The following CTNNA3 variants were observed in gnomAD, a reference collection of about 807,000 sequenced individuals.
The protein encoded by CTNNA3 is catenin alpha 3.
In CTNNA3, 76 loss-of-function variants were observed where a neutral mutation model predicts 95.7. The ratio of observed to expected loss-of-function variants is 0.79; its 90% CI spans 0.66 to 0.96. The LOEUF (loss-of-function observed/expected upper bound fraction) is 0.96. CTNNA3 is among the 40% of genes least tolerant of loss of function. The probability of loss-of-function intolerance (pLI) is 0.00; values close to 1 mark genes in which losing one functional copy is unlikely to be tolerated. For missense variants in CTNNA3, 1,191 were observed against 1,089.8 expected, an observed-to-expected ratio of 1.09 and a Z score of -1.31; for synonymous variants, 431 against 374.4, an observed-to-expected ratio of 1.15 and a Z score of -1.74.
intron 7 of CTNNA3, among the ~76,000 whole-genome samples, chr10:66,986,063 A>T (rs1426845403): frequency 2.0e-5 from 3 of 152,112 alleles, no homozygotes; most frequent in Admixed American, 6.6e-5. Flanking sequence ...TTGTACTTAC[A>T]ATTTTGATAT....
chr10:67,453,708 G>C (rs1847070909), intron 5 of CTNNA3, among the ~76,000 whole-genome samples: 1 of 152,214 alleles, frequency 6.6e-6, no homozygotes, highest in South Asian at 2.1e-4. Flanking sequence ...GTGCAGATAA[G>C]AGAGGAAGAG....
At chr10:67,602,477 C>T (rs1843115712) in intron 3 of CTNNA3, among the ~76,000 whole-genome samples, 1 of 152,140 alleles carries the variant, frequency 6.6e-6, no homozygotes, top group Non-Finnish European at 1.5e-5. Flanking sequence ...AAATAAATCA[C>T]ACAGTAAAGC....
intron 3 of CTNNA3, among the ~76,000 whole-genome samples, chr10:67,600,451 T>C (rs1211859212): frequency 1.3e-5 from 2 of 152,156 alleles, no homozygotes; most frequent in Non-Finnish European, 2.9e-5. Context: ...TTGTAATACC[T>C]ACAACTAACA....
At chr10:67,322,463 G>C (rs1841363044) in intron 5 of CTNNA3, among the ~76,000 whole-genome samples, 2 of 152,182 alleles carry the variant, frequency 1.3e-5, no homozygotes, top group South Asian at 4.1e-4. Flanking sequence ...ACTTATAAGT[G>C]AGAACATGTG....
At chr10:66,611,336 A>G (rs931811941) in intron 10 of CTNNA3, among the ~76,000 whole-genome samples, 1 of 152,138 alleles carries the variant, frequency 6.6e-6, no homozygotes, top group African/African-American at 2.4e-5. Flanking sequence ...GGATATTCCA[A>G]TTACCCTGAT....
intron 11 of CTNNA3, among the ~76,000 whole-genome samples, chr10:66,495,642 GTGT>G (rs139573189): frequency 0.045 from 6,885 of 151,656 alleles, 466 homozygotes; most frequent in East Asian, 0.32. Context: ...TCATTTTGGG[GTGT>G]TGTTGTTGTT....
intron 9 of CTNNA3, among the ~76,000 whole-genome samples, chr10:66,640,342 C>A (rs1313419851): frequency 1.3e-5 from 2 of 152,164 alleles, no homozygotes; most frequent in East Asian, 3.9e-4. Context: ...AAGGCAATGT[C>A]TCTTCCCAGG....
chr10:66,976,776 A>C (rs1850059738), intron 7 of CTNNA3, among the ~76,000 whole-genome samples: 1 of 152,152 alleles, frequency 6.6e-6, no homozygotes, highest in African/African-American at 2.4e-5. Context: ...TAAGTCTTTA[A>C]ATTTCATGTA....
intron 12 of CTNNA3, among the ~76,000 whole-genome samples, chr10:66,352,012 G>A (rs1440586843): frequency 6.6e-6 from 1 of 152,016 alleles, no homozygotes; most frequent in East Asian, 1.9e-4. Context: ...TAAGAGTCAT[G>A]AAGTAAGTAC....
chr10:66,059,902 C>G (rs2133566633), intron 15 of CTNNA3, among the ~76,000 whole-genome samples: 1 of 152,110 alleles, frequency 6.6e-6, no homozygotes, highest in East Asian at 1.9e-4. Flanking sequence ...AGCAGCTTTA[C>G]TTTCTTTTAG....
At chr10:67,378,134 T>C (rs1357762357) in intron 5 of CTNNA3, among the ~76,000 whole-genome samples, 1 of 152,206 alleles carries the variant, frequency 6.6e-6, no homozygotes, top group Non-Finnish European at 1.5e-5. Flanking sequence ...TTCTACTTTT[T>C]ACTTTTTTTT....
chr10:67,671,210 A>G (rs1261909913), intron 1 of CTNNA3, among the ~76,000 whole-genome samples: 1 of 152,162 alleles, frequency 6.6e-6, no homozygotes, highest in Non-Finnish European at 1.5e-5. Flanking sequence ...GGACATCAGC[A>G]TCCTTGCCAT....
intron 8 of CTNNA3, among the ~76,000 whole-genome samples, chr10:66,773,930 A>G (rs1840192985): frequency 6.6e-6 from 1 of 152,210 alleles, no homozygotes; most frequent in Non-Finnish European, 1.5e-5. Context: ...CTTTTTAAAT[A>G]TAAGTATGTA....
intron 5 of CTNNA3, among the ~76,000 whole-genome samples, chr10:67,361,604 T>C (rs1228486912): frequency 1.3e-5 from 2 of 152,108 alleles, no homozygotes; most frequent in Non-Finnish European, 2.9e-5. Flanking sequence ...TACCAAAATC[T>C]GTGGGATGCA....
At chr10:66,689,490 C>G (rs1240128112) in intron 9 of CTNNA3, among the ~76,000 whole-genome samples, 1 of 152,042 alleles carries the variant, frequency 6.6e-6, no homozygotes, top group East Asian at 1.9e-4. Context: ...TTGGAACAAT[C>G]CCAATTATTT....
At chr10:67,516,684 T>C (rs1050770474) in intron 5 of CTNNA3, among the ~76,000 whole-genome samples, 3 of 152,212 alleles carry the variant, frequency 2.0e-5, no homozygotes, top group African/African-American at 7.2e-5. Context: ...TCATCACTCG[T>C]GCTGTTTATT....
intron 10 of CTNNA3, among the ~76,000 whole-genome samples, chr10:66,547,087 C>A (rs1842057082): frequency 6.6e-6 from 1 of 152,038 alleles, no homozygotes; most frequent in South Asian, 2.1e-4. Context: ...GATTGAACAG[C>A]TACTCTCTTG....
At chr10:66,563,555 G>A (rs2660019) in intron 10 of CTNNA3, among the ~76,000 whole-genome samples, 56,712 of 151,762 alleles carry the variant, frequency 0.37, 11,048 homozygotes, top group Admixed American at 0.43. Context: ...ATAAATCTTG[G>A]GGCCCCCAAA....
At chr10:66,043,603 A>T (rs994163713) in intron 15 of CTNNA3, among the ~76,000 whole-genome samples, 1 of 152,218 alleles carries the variant, frequency 6.6e-6, no homozygotes, top group African/African-American at 2.4e-5. Flanking sequence ...GAAGAGAAAA[A>T]ATGGAAGAAA....
Sources: allele counts gnomAD v4.1 joint callset (sites outside exome capture counted in the v4.1 genomes callset), GRCh38; gene constraint gnomAD v4.1.1; transcripts MANE v1.5; gene names NCBI Gene and HGNC (gene_info 2026-07-23, HGNC 2026-07-21).